Variants in ITGA4 observed in about 807,000 individuals in gnomAD.
The protein encoded by ITGA4 is integrin subunit alpha 4.
Under a neutral mutation model 133.6 loss-of-function variants are expected in ITGA4, and 63 were observed. The observed-to-expected ratio is 0.47, with a 90% CI of 0.38 to 0.58. The LOEUF (loss-of-function observed/expected upper bound fraction) is 0.58. Ranked by LOEUF, ITGA4 falls within the 20% of genes least tolerant of loss-of-function variation. The pLI is 0.00. For missense variants in ITGA4, 1,076 were observed against 1,252.7 expected (o/e 0.86, Z 2.13); for synonymous variants, 483 against 438.0 (o/e 1.10, Z -1.28).
Position 181,457,714 on chromosome 2 carries a change from G to A in ITGA4, c.60G>A (p.Val20=). The stretch of plus-strand genomic sequence containing the variant: ...GAAGGGCCGCCGTCCGGGAGACGGT[G>A]ATGCTGTTGCTGTGCCTGGGGGTCC... ...GPRRAAVRET[V]MLLLCLGVPT... Residue 20 remains valine, a synonymous_variant, in exon 1 of 28, where the codon GTG becomes GTA. Transcript: ENST00000397033. 6.2e-7 allele frequency: 1 copy of A among 1,612,582 alleles called. No homozygotes were observed. The highest frequency in any genetic ancestry group is 8.5e-7 in the Non-Finnish European group (1 of 1,179,732).
At chr2:181,489,693 T>C (rs1418813792) in intron 10 of ITGA4, among the ~76,000 whole-genome samples, 15 of 152,120 alleles carry the variant, frequency 9.9e-5, no homozygotes, top group Admixed American at 9.8e-4. Flanking sequence ...AAGTGAAATT[T>C]TGTTACATGC....
chr2:181,502,745 G>T (rs577076409), intron 15 of ITGA4, among the ~76,000 whole-genome samples: 1 of 152,152 alleles, frequency 6.6e-6, no homozygotes, highest in East Asian at 1.9e-4. Flanking sequence ...ATACAGGATG[G>T]TTGTCAGATG....
At chr2:181,533,318 A>C (rs1686984102) in intron 25 of ITGA4, among the ~76,000 whole-genome samples, 1 of 152,242 alleles carries the variant, frequency 6.6e-6, no homozygotes, top group Non-Finnish European at 1.5e-5. Context: ...GATACACTAG[A>C]CAGGCAAAGA....
chr2:181,538,764 A>AAAAG lies in ITGA4; in HGVS notation c.*3239_*3242dup, dbSNP rs1444200846. ...ACTTTACTATTCAGATGGCTCCACT[A>AAAAG]AAAGATTTAAGATCTTGATCCATTT... On this transcript the variant is annotated 3_prime_UTR_variant, in exon 28 of 28. Transcript: ENST00000397033. 1.1e-4 allele frequency among the ~76,000 whole-genome samples: 17 copies of AAAAG among 152,192 alleles called. No individual in the cohort carries two copies. Among genetic ancestry groups the AAAAG allele is most frequent in the Non-Finnish European group, 2.9e-5 (2 of 68,020 alleles).
chr2:181,478,675 T>C, intron 4 of ITGA4, 82 bp from the exon 5 acceptor site: 1 of 599,580 alleles, frequency 1.7e-6, no homozygotes, highest in Non-Finnish European at 2.8e-6. Flanking sequence ...TTAAAGGACA[T>C]TTTTGTAAGG....
rs575206869 is a variant in ITGA4, at chr2:181,467,526, G to C, written c.320-7434G>C. Among the ~76,000 whole-genome samples the C allele has an allele frequency of 2.6e-5, 4 of 152,056 alleles. No individual in the cohort carries two copies. The South Asian group carries it at 8.3e-4, about 31-fold the overall frequency. ...GACCTTAGAGTCTGACCTTTTCCCT[G>C]GTCCTTCTTTCTTTAGTGGAAATGC... is the stretch of plus-strand genomic sequence containing the variant. On this transcript the variant is annotated intron_variant, in intron 2 of 27. Transcript: ENST00000397033.
intron 10 of ITGA4, among the ~76,000 whole-genome samples, chr2:181,488,598 A>G (rs1351491782): frequency 6.6e-6 from 1 of 151,058 alleles, no homozygotes; most frequent in Non-Finnish European, 1.5e-5. Context: ...TCGCTGTGTC[A>G]CCCAGGCCAG....
At position 181,535,599 on chromosome 2, in the gene ITGA4, A is replaced by G; in HGVS notation, c.*72A>G. 2 of 1,502,542 alleles carry G rather than the reference A, an allele frequency of 1.3e-6. No individual in the cohort carries two copies. Among genetic ancestry groups the G allele is most frequent in the Non-Finnish European group, 1.8e-6 (2 of 1,126,464 alleles). 93.1% of individuals were successfully genotyped at this position (1,502,542 alleles called of 1,614,324 possible). A position where few individuals can be genotyped will look rare whatever the true frequency, so the allele number is the denominator to read the frequency against. On this transcript the variant is annotated 3_prime_UTR_variant, in exon 28 of 28. Coordinates refer to ENST00000397033, the MANE Select transcript of ITGA4 (RefSeq NM_000885.6). ...TAAAGAAATTTAAAAGACACTGTTTACAAGAAAAAATGAATTTTGTTTGGA... is the reference window on the plus strand; with the variant it reads ...TAAAGAAATTTAAAAGACACTGTTTGCAAGAAAAAATGAATTTTGTTTGGA...
intron 15 of ITGA4, among the ~76,000 whole-genome samples, chr2:181,508,986 G>GA (rs1397239556): frequency 1.3e-5 from 2 of 150,538 alleles, no homozygotes; most frequent in African/African-American, 2.4e-5. Flanking sequence ...CTATAAATAT[G>GA]AAAAAATGGG....
At position 181,536,277 on chromosome 2, in the gene ITGA4, C is replaced by T. The variant is rs1335057197; in HGVS notation, c.*750C>T. 6.6e-6 allele frequency: 1 copy of T among 151,786 alleles called. No individual in the cohort carries two copies. Among genetic ancestry groups the T allele is most frequent in the Non-Finnish European group, 1.5e-5 (1 of 67,908 alleles). The allele number at this position is 151,786 out of a possible 1,614,324, so 9.4% of individuals were successfully genotyped here. On this transcript the variant is annotated 3_prime_UTR_variant, in exon 28 of 28. Coordinates refer to ENST00000397033, the MANE Select transcript of ITGA4 (RefSeq NM_000885.6). ...TGTAGGTATATATTTACCATTCTTC[C>T]TATCTATTCTTCCTATAACACACCT...
rs1685145832 is a variant in ITGA4, at chr2:181,457,423, A to T, written c.-232A>T. On this transcript the variant is annotated 5_prime_UTR_variant, in exon 1 of 28. Coordinates refer to ENST00000397033, the MANE Select transcript of ITGA4 (RefSeq NM_000885.6). ...GCACCCGAAGCTCCCGGCTGGCGGC[A>T]GAAACCGGGAGTGGGGCCGGGCGAG... 1 of 479,156 alleles carries T rather than the reference A, an allele frequency of 2.1e-6. No homozygotes were observed. The highest frequency in any genetic ancestry group is 3.7e-6 in the Non-Finnish European group (1 of 269,938). 29.7% of individuals were successfully genotyped at this position (479,156 alleles called of 1,614,324 possible). A position where few individuals can be genotyped will look rare whatever the true frequency, so the allele number is the denominator to read the frequency against.
chr2:181,470,292 A>G (rs1433673794), intron 2 of ITGA4, among the ~76,000 whole-genome samples: 3 of 149,470 alleles, frequency 2.0e-5, no homozygotes, highest in Non-Finnish European at 4.5e-5. Flanking sequence ...TTTTCTTGCA[A>G]TTTTTTTTTT....
chr2:181,474,895 C>G, intron 2 of ITGA4, 65 bp from the exon 3 acceptor site: 1 of 1,212,076 alleles, frequency 8.3e-7, no homozygotes, highest in Non-Finnish European at 1.2e-6. Context: ...GATGAGTGCA[C>G]AGTTTTCTCT....
At chr2:181,524,504 A>G in intron 20 of ITGA4, 1 of 357,576 alleles carries the variant, frequency 2.8e-6, no homozygotes, top group Non-Finnish European at 4.9e-6. Flanking sequence ...TGTGTATTTG[A>G]AATCAAAAAC....
chr2:181,492,328 C>A (rs1361122234), intron 10 of ITGA4, among the ~76,000 whole-genome samples: 11 of 152,130 alleles, frequency 7.2e-5, no homozygotes, highest in Admixed American at 3.9e-4. Context: ...TAAAATTTTA[C>A]ATTGTTTAGC....
In ITGA4 at chr2:181,494,792, C is replaced by T; in HGVS notation, c.1319C>T (p.Ala440Val). Reference protein sequence around the residue: ...FGQSISGQIDADNNGYVDVAV... With the variant: ...FGQSISGQIDVDNNGYVDVAV... ...CAGTCTATATCAGGACAAATTGATG[C>T]AGATAATAATGGCTATGTAGGTGAG... The change falls in exon 12 of 28, where the codon GCA becomes GTA. Residue 440 changes from alanine (A) to valine (V), a missense_variant. By Grantham distance (64) the Ala-to-Val change is moderately conservative. Transcript: ENST00000397033. The T allele has an allele frequency of 1.3e-6, 2 of 1,570,626 alleles. No individual in the cohort carries two copies. The highest frequency in any genetic ancestry group is 2.2e-5 in the East Asian group (1 of 44,588).
In ITGA4 at chr2:181,482,630, T is replaced by G; in HGVS notation, c.1020T>G (p.Phe340Leu). ...QSTIREEGRV[F>L]VYINSGSGAV... The stretch of plus-strand genomic sequence containing the variant: ...CCATCAGAGAGGAAGGAAGAGTGTT[T>G]GTGTACATCAACTCTGGCTCGGTAT... The change falls in exon 9 of 28, where the codon TTT becomes TTG. Residue 340 changes from phenylalanine to leucine, a missense_variant. Around this residue, in one of 4 missense-constraint regions of ITGA4, gnomAD observed 436 missense variants for 590.7 expected, o/e 0.74. Transcript: ENST00000397033. The G allele has an allele frequency of 6.2e-7, 1 of 1,613,668 alleles. No individual in the cohort carries two copies. Among genetic ancestry groups the G allele is most frequent in the South Asian group, 1.1e-5 (1 of 91,064 alleles).
At chr2:181,460,094 G>T (rs763083964) in intron 2 of ITGA4, among the ~76,000 whole-genome samples, 1 of 152,182 alleles carries the variant, frequency 6.6e-6, no homozygotes, top group Non-Finnish European at 1.5e-5. Context: ...GAATAAAAGT[G>T]GAGTGAAAAT....
At chr2:181,493,124 T>A in intron 10 of ITGA4, 1 of 458,578 alleles carries the variant, frequency 2.2e-6, no homozygotes, top group Non-Finnish European at 3.8e-6. Flanking sequence ...TCCACTCTGC[T>A]TTCTTCCATG....
Sources: allele counts gnomAD v4.1 joint callset (sites outside exome capture counted in the v4.1 genomes callset), GRCh38; gene constraint gnomAD v4.1.1; regional missense constraint gnomAD v4.1.1; transcripts MANE v1.5; gene names NCBI Gene and HGNC (gene_info 2026-07-23, HGNC 2026-07-21).